ARHGAP31: variants seen among roughly 807,000 people sequenced by gnomAD.
The protein encoded by ARHGAP31 is rho GTPase-activating protein 31.
In ARHGAP31, 34 loss-of-function variants were observed where a neutral mutation model predicts 113.9. The ratio of observed to expected loss-of-function variants is 0.30; its 90% CI spans 0.23 to 0.40. The LOEUF (loss-of-function observed/expected upper bound fraction) is 0.40, where lower values mean the gene tolerates loss of function less well. Ranked by LOEUF, ARHGAP31 falls within the 10% of genes least tolerant of loss-of-function variation. ARHGAP31 has a pLI of 1.00. For synonymous variants in ARHGAP31, 650 were observed against 684.8 expected (o/e 0.95, Z 0.79); for missense variants, 1,548 against 1,767.1 (o/e 0.88, Z 2.22).
At chr3:119,335,298 GATA>G (rs1179697986) in intron 1 of ARHGAP31, among the ~76,000 whole-genome samples, 1 of 152,284 alleles carries the variant, frequency 6.6e-6, no homozygotes, top group Admixed American at 6.5e-5. Flanking sequence ...TCAAAATTGA[GATA>G]ATGTCTAGCT....
chr3:119,317,183 CTT>C (rs58689017), intron 1 of ARHGAP31, among the ~76,000 whole-genome samples: 55,243 of 146,460 alleles, frequency 0.38, 10,223 homozygotes, highest in Middle Eastern at 0.41. Flanking sequence ...TTTCTTTTTT[CTT>C]TTTTTTTTTT....
chr3:119,307,225 T>C (rs1329455974), intron 1 of ARHGAP31, among the ~76,000 whole-genome samples: 1 of 152,184 alleles, frequency 6.6e-6, no homozygotes, highest in Non-Finnish European at 1.5e-5. Flanking sequence ...TATGCCTCAG[T>C]TTCTTCATCT....
intron 3 of ARHGAP31, among the ~76,000 whole-genome samples, chr3:119,378,705 TC>T (rs1446729462): frequency 6.6e-6 from 1 of 151,984 alleles, no homozygotes; most frequent in African/African-American, 2.4e-5. Flanking sequence ...CTCCCTTGGC[TC>T]CCCGGCTCCC....
intron 10 of ARHGAP31, among the ~76,000 whole-genome samples, chr3:119,406,078 G>A (rs1034493321): frequency 7.9e-5 from 12 of 152,210 alleles, no homozygotes; most frequent in Non-Finnish European, 2.9e-5. Context: ...GGAGAACAAG[G>A]CCTGTTAGGG....
At chr3:119,401,037 G>T (rs1252592993) in intron 9 of ARHGAP31, among the ~76,000 whole-genome samples, 1 of 152,046 alleles carries the variant, frequency 6.6e-6, no homozygotes, top group Non-Finnish European at 1.5e-5. Flanking sequence ...CGGGCGCGGT[G>T]GCAGGTGCCT....
intron 1 of ARHGAP31, among the ~76,000 whole-genome samples, chr3:119,350,553 C>T (rs946545050): frequency 6.6e-6 from 1 of 152,092 alleles, no homozygotes; most frequent in Non-Finnish European, 1.5e-5. Context: ...GTACAATAAG[C>T]AAAAGGGATT....
At chr3:119,323,525 G>A (rs1428501407) in intron 1 of ARHGAP31, among the ~76,000 whole-genome samples, 1 of 152,038 alleles carries the variant, frequency 6.6e-6, no homozygotes, top group Non-Finnish European at 1.5e-5. Context: ...ACCACATCCA[G>A]GAAGAGGAGA....
rs186926261 is a variant in ARHGAP31 at position 119,365,476 on chromosome 3, C to G, written c.203+58C>G. The stretch of plus-strand genomic sequence containing the variant: ...CCCATGATTCCTCCTGTGTCCATGC[C>G]TCTGTCCATCGGTGTCCAGAGTATT... On this transcript the variant is annotated intron_variant, in intron 2 of 11. Coordinates refer to ENST00000264245, the MANE Select transcript of ARHGAP31 (RefSeq NM_020754.4). The G allele has an allele frequency of 1.0e-5, 15 of 1,451,344 alleles. No individual in the cohort carries two copies. In the Admixed American group the frequency reaches 2.0e-4, roughly 20 times the overall value. The allele number at this position is 1,451,344 out of a possible 1,614,324, so 89.9% of individuals were successfully genotyped here.
chr3:119,415,277 T>C lies in ARHGAP31; in HGVS notation c.3348T>C (p.Ala1116=). 6.2e-7 allele frequency: 1 copy of C among 1,614,248 alleles called. No individual in the cohort carries two copies. ...ACTTGGACCCTGCCATTCCCATTGCTGACCTCTTCTGGTTTGAGAATGTGG... is the reference window on the plus strand; with the variant it reads ...ACTTGGACCCTGCCATTCCCATTGCCGACCTCTTCTGGTTTGAGAATGTGG... The part of the protein sequence containing the change: ...SLNLDPAIPI[A]DLFWFENVAS... Residue 1116 remains alanine (A), a synonymous_variant, in exon 12 of 12, where the codon GCT becomes GCC. Coordinates refer to ENST00000264245, the MANE Select transcript of ARHGAP31 (RefSeq NM_020754.4).
At chr3:119,333,079 C>T (rs1261758712) in intron 1 of ARHGAP31, among the ~76,000 whole-genome samples, 1 of 152,178 alleles carries the variant, frequency 6.6e-6, no homozygotes, top group Non-Finnish European at 1.5e-5. Context: ...ATCCCAGAGC[C>T]CATGCGTCAT....
intron 3 of ARHGAP31, among the ~76,000 whole-genome samples, chr3:119,374,538 A>G (rs148052784): frequency 2.1e-3 from 313 of 152,182 alleles, no homozygotes; most frequent in Non-Finnish European, 3.1e-3. Flanking sequence ...TAATCTCCAC[A>G]TGTTGAGGGA....
In ARHGAP31 at chr3:119,413,853, C is replaced by T; in HGVS notation, c.1927-3C>T. On this transcript the variant is annotated splice_region_variant and splice_polypyrimidine_tract_variant and intron_variant, in intron 11 of 11. Coordinates refer to ENST00000264245, the MANE Select transcript of ARHGAP31 (RefSeq NM_020754.4). ...AGACAATCAGTTTATTGATGTTTTT[C>T]AGGATGAAGATGATCTGGCCAATGC... is the stretch of plus-strand genomic sequence containing the variant. 1 of 1,614,192 alleles carries T rather than the reference C, an allele frequency of 6.2e-7. No individual in the cohort carries two copies. The highest frequency in any genetic ancestry group is 8.5e-7 in the Non-Finnish European group (1 of 1,180,048).
intron 1 of ARHGAP31, among the ~76,000 whole-genome samples, chr3:119,307,234 C>T (rs998028714): frequency 2.0e-5 from 3 of 152,148 alleles, no homozygotes; most frequent in African/African-American, 7.2e-5. Flanking sequence ...GTTTCTTCAT[C>T]TGTAAAGTGG....
At chr3:119,389,155 C>T (rs759418551) in intron 6 of ARHGAP31, among the ~76,000 whole-genome samples, 5 of 151,542 alleles carry the variant, frequency 3.3e-5, no homozygotes, top group Non-Finnish European at 7.4e-5. Context: ...AGCGAGACTC[C>T]GTTTAAAAAA....
At chr3:119,302,267 C>A (rs2079590917) in intron 1 of ARHGAP31, among the ~76,000 whole-genome samples, 1 of 152,226 alleles carries the variant, frequency 6.6e-6, no homozygotes, top group African/African-American at 2.4e-5. Context: ...CACTCTCTGT[C>A]TCTCTAGACT....
chr3:119,305,936 G>C (rs567179486), intron 1 of ARHGAP31, among the ~76,000 whole-genome samples: 7 of 152,226 alleles, frequency 4.6e-5, no homozygotes, highest in African/African-American at 1.4e-4. Context: ...CCCCTCCTAA[G>C]CCTGACTTCC....
chr3:119,385,407 C>G (rs1412635772), intron 6 of ARHGAP31, among the ~76,000 whole-genome samples: 1 of 152,120 alleles, frequency 6.6e-6, no homozygotes, highest in African/African-American at 2.4e-5. Context: ...CTGCTGTGAA[C>G]ATTCACATAC....
At chr3:119,335,780 A>G (rs2079939969) in intron 1 of ARHGAP31, among the ~76,000 whole-genome samples, 1 of 152,204 alleles carries the variant, frequency 6.6e-6, no homozygotes, top group Admixed American at 6.5e-5. Context: ...AGACATTTGT[A>G]CCTAGGGATT....
chr3:119,366,089 T>C (rs1056702017), intron 2 of ARHGAP31, among the ~76,000 whole-genome samples: 2 of 152,072 alleles, frequency 1.3e-5, no homozygotes, highest in African/African-American at 2.4e-5. Flanking sequence ...GTTTTATATA[T>C]ATACAGAGAG....
Sources: gnomAD v4.1 joint callset for allele counts (sites outside exome capture counted in the v4.1 genomes callset) on GRCh38, gnomAD v4.1.1 for gene constraint, MANE v1.5 for transcripts, NCBI Gene and HGNC (gene_info 2026-07-23, HGNC 2026-07-21) for gene names.